Variants in LRRC37A observed in about 807,000 individuals in gnomAD.
LRRC37A encodes leucine rich repeat containing 37A.
Under a neutral mutation model 35.4 loss-of-function variants are expected in LRRC37A, and 3 were observed. The observed-to-expected ratio is 0.08, with a 90% CI of 0.04 to 0.22. The LOEUF (loss-of-function observed/expected upper bound fraction) is 0.22, where lower values mean the gene tolerates loss of function less well. LRRC37A is among the 10% of genes least tolerant of loss of function. LRRC37A has a pLI of 1.00. For synonymous variants in LRRC37A, 23 were observed against 215.0 expected, an observed-to-expected ratio of 0.11 and a Z score of 7.81; for missense variants, 67 against 565.3, an observed-to-expected ratio of 0.12 and a Z score of 8.94.
chr17:46,249,929 C>T, the LRRC37A span, among the ~76,000 whole-genome samples: 29 of 152,174 alleles, frequency 1.9e-4, no homozygotes, highest in Admixed American at 1.4e-3. Flanking sequence ...CTCAGCCTCC[C>T]GAGTAACTGG....
At chr17:46,266,283 C>T in the LRRC37A span, among the ~76,000 whole-genome samples, 1 of 152,320 alleles carries the variant, frequency 6.6e-6, no homozygotes, top group Non-Finnish European at 1.5e-5. Flanking sequence ...CCCTTATTCT[C>T]CGCACTTGTC....
At chr17:46,255,963 C>G in the LRRC37A span, among the ~76,000 whole-genome samples, 1 of 152,124 alleles carries the variant, frequency 6.6e-6, no homozygotes, top group African/African-American at 2.4e-5. Context: ...GGGTGAGCCA[C>G]CACACCCGGC....
chr17:46,267,226 G>A, the LRRC37A span: 1 of 706,168 alleles, frequency 1.4e-6, no homozygotes. Context: ...GAGATCCCAG[G>A]GCGCCCGACC....
At chr17:46,258,707 CTTTTTT>C in the LRRC37A span, among the ~76,000 whole-genome samples, 1 of 81,122 alleles carries the variant, frequency 1.2e-5, no homozygotes. Flanking sequence ...GACTATTATT[CTTTTTT>C]TTTTTTTTTT....
chr17:46,269,255 C>T, the LRRC37A span, among the ~76,000 whole-genome samples: 3 of 152,204 alleles, frequency 2.0e-5, no homozygotes, highest in Admixed American at 6.5e-5. Flanking sequence ...AGTACCAAGC[C>T]GGGCGCGGTG....
At position 46,312,673 on chromosome 17, in the gene LRRC37A, A is replaced by T. The variant is rs1429046969; in HGVS notation, c.2906+6364A>T. On this transcript the variant is annotated intron_variant, in intron 5 of 13. Transcript: ENST00000320254. ...AAGATATAGAATGAAGGGGTAGCCG[A>T]CTTTGTACAGAGCCCACCAGTGGTC... is the stretch of plus-strand genomic sequence containing the variant. Among the ~76,000 whole-genome samples, 9 of 78,578 alleles carry T rather than the reference A, an allele frequency of 1.1e-4. 1 individual carries two copies. Among genetic ancestry groups the T allele is most frequent in the African/African-American group, 4.3e-4 (8 of 18,780 alleles). 51.6% of individuals were successfully genotyped at this position (78,578 alleles called of 152,430 possible).
upstream of LRRC37A, among the ~76,000 whole-genome samples, chr17:46,290,635 C>T (rs866481042): frequency 0.026 from 3,558 of 135,084 alleles, no homozygotes; most frequent in Non-Finnish European, 0.043. Flanking sequence ...TTAGTACAGA[C>T]GGGGTTTCGC....
the LRRC37A span, among the ~76,000 whole-genome samples, chr17:46,285,131 A>T: frequency 6.6e-6 from 1 of 152,212 alleles, no homozygotes; most frequent in Non-Finnish European, 1.5e-5. Context: ...GGCCTCCCAA[A>T]GTGCTGGGAT....
chr17:46,265,312 CTT>C, the LRRC37A span, among the ~76,000 whole-genome samples: 14 of 94,842 alleles, frequency 1.5e-4, no homozygotes, highest in East Asian at 3.2e-3. Context: ...TCTTCTTCTT[CTT>C]CCTCTTCTTC....
At chr17:46,278,783 C>A in the LRRC37A span, among the ~76,000 whole-genome samples, 1 of 150,432 alleles carries the variant, frequency 6.6e-6, no homozygotes, top group Non-Finnish European at 1.5e-5. Flanking sequence ...AAGTTGAAAA[C>A]CAATGTCATT....
the LRRC37A span, among the ~76,000 whole-genome samples, chr17:46,260,955 A>T: frequency 6.6e-6 from 1 of 152,190 alleles, no homozygotes; most frequent in African/African-American, 2.4e-5. Flanking sequence ...GAAGTAACTC[A>T]GGAATGGAAA....
At chr17:46,279,679 A>T in the LRRC37A span, among the ~76,000 whole-genome samples, 1 of 151,522 alleles carries the variant, frequency 6.6e-6, no homozygotes, top group Admixed American at 6.6e-5. Flanking sequence ...TGTATTTTGT[A>T]AAGATGGGGT....
chr17:46,287,083 A>C, the LRRC37A span, among the ~76,000 whole-genome samples: 1 of 152,238 alleles, frequency 6.6e-6, no homozygotes, highest in Admixed American at 6.5e-5. Flanking sequence ...GCTATGAGTC[A>C]GCTAAACATT....
At chr17:46,287,117 T>C in the LRRC37A span, among the ~76,000 whole-genome samples, 8,914 of 133,804 alleles carry the variant, frequency 0.067, no homozygotes, top group Middle Eastern at 0.13. Flanking sequence ...ATTCTACCCC[T>C]GGCAAACTCC....
chr17:46,279,524 T>C, the LRRC37A span, among the ~76,000 whole-genome samples: 21,372 of 135,872 alleles, frequency 0.16, 1,932 homozygotes, highest in Middle Eastern at 0.23. Context: ...TTTTTTGAGA[T>C]AGGGTCTTGT....
the LRRC37A span, among the ~76,000 whole-genome samples, chr17:46,256,158 G>A: frequency 6.6e-6 from 1 of 152,106 alleles, no homozygotes; most frequent in East Asian, 1.9e-4. Flanking sequence ...GCCAAGGTGG[G>A]TGGATCACTT....
chr17:46,248,483 A>G, the LRRC37A span, among the ~76,000 whole-genome samples: 1 of 152,062 alleles, frequency 6.6e-6, no homozygotes, highest in Non-Finnish European at 1.5e-5. Context: ...ATGAAATCAT[A>G]TAGCATGTAG....
the LRRC37A span, among the ~76,000 whole-genome samples, chr17:46,265,495 G>A: frequency 1.9e-5 from 2 of 103,710 alleles, no homozygotes; most frequent in East Asian, 2.5e-4. Context: ...TTTTTTTTTC[G>A]GTTTTGAGAC....
the LRRC37A span, among the ~76,000 whole-genome samples, chr17:46,254,407 TTATTTATC>T: frequency 6.6e-6 from 1 of 152,106 alleles, no homozygotes; most frequent in Non-Finnish European, 1.5e-5. Context: ...ATTTATTTAT[TTATTTATC>T]TATCTATTTA....
Sources: allele counts gnomAD v4.1 joint callset (sites outside exome capture counted in the v4.1 genomes callset), GRCh38; gene constraint gnomAD v4.1.1; transcripts MANE v1.5; gene names NCBI Gene and HGNC (gene_info 2026-07-23, HGNC 2026-07-21).